SLC25A21: variants seen among roughly 807,000 people sequenced by gnomAD.
The protein encoded by SLC25A21 is solute carrier family 25 member 21, also known as mitochondrial 2-oxodicarboxylate carrier.
SLC25A21 carries 47 observed loss-of-function variants against 43.8 expected under a neutral mutation model. That is an observed-to-expected ratio of 1.07 (90% CI 0.85 to 1.37). The LOEUF (loss-of-function observed/expected upper bound fraction) is 1.37. Among genes scored for constraint, SLC25A21 ranks in the 40% most tolerant of loss-of-function variants. The probability of loss-of-function intolerance (pLI) is 0.00; values close to 1 mark genes in which losing one functional copy is unlikely to be tolerated. For missense variants in SLC25A21, 352 were observed against 350.2 expected (o/e 1.00, Z -0.04); for synonymous variants, 131 against 121.3 (o/e 1.08, Z -0.52).
Position 36,704,967 on chromosome 14 carries a change from A to C in SLC25A21, c.603+6351T>G, listed in dbSNP as rs116141108. Among the ~76,000 whole-genome samples the C allele has an allele frequency of 6.1e-3, 922 of 152,316 alleles. 10 individuals carry two copies. The highest frequency in any genetic ancestry group is 0.021 in the African/African-American group (883 of 41,556). On this transcript the variant is annotated intron_variant, in intron 7 of 9. Transcript: ENST00000331299. ...GGATATTTTTCTGTGATAACTTAAA[A>C]AATATATGTACCATAGATCACTAAT...
intron 6 of SLC25A21, among the ~76,000 whole-genome samples, chr14:36,717,395 G>A (rs1339159413): frequency 6.6e-6 from 1 of 152,228 alleles, no homozygotes; most frequent in Non-Finnish European, 1.5e-5. Context: ...CAGAGTGTAT[G>A]TTGTATGAAC....
chr14:36,890,690 T>C (rs1056428912), intron 1 of SLC25A21, among the ~76,000 whole-genome samples: 1 of 152,192 alleles, frequency 6.6e-6, no homozygotes, highest in African/African-American at 2.4e-5. Flanking sequence ...TTTGAATTTA[T>C]AATTGAGTAA....
At chr14:36,794,323 TTA>T (rs144010697) in intron 3 of SLC25A21, among the ~76,000 whole-genome samples, 30,788 of 152,088 alleles carry the variant, frequency 0.2, 3,256 homozygotes, top group Middle Eastern at 0.26. Flanking sequence ...CTCACTTTAT[TTA>T]AAGTTTTAAT....
At chr14:37,067,656 G>A (rs1210110318) in intron 1 of SLC25A21, among the ~76,000 whole-genome samples, 1 of 152,160 alleles carries the variant, frequency 6.6e-6, no homozygotes, top group African/African-American at 2.4e-5. Flanking sequence ...ACAAAAGTAT[G>A]GAGGCAGAAA....
chr14:37,028,687 T>C (rs994567817), intron 1 of SLC25A21, among the ~76,000 whole-genome samples: 2 of 152,178 alleles, frequency 1.3e-5, no homozygotes, highest in Non-Finnish European at 2.9e-5. Context: ...ACAACAAATA[T>C]TGAAATTATA....
intron 1 of SLC25A21, among the ~76,000 whole-genome samples, chr14:36,926,081 A>G (rs1051315194): frequency 6.6e-6 from 1 of 152,160 alleles, no homozygotes; most frequent in African/African-American, 2.4e-5. Context: ...TACATGAAAC[A>G]TTTACCAAAA....
intron 1 of SLC25A21, among the ~76,000 whole-genome samples, chr14:37,015,562 T>C (rs1305445447): frequency 6.6e-6 from 1 of 151,752 alleles, no homozygotes; most frequent in Non-Finnish European, 1.5e-5. Context: ...TACCCAGTAA[T>C]GGGATGGCTG....
intron 1 of SLC25A21, among the ~76,000 whole-genome samples, chr14:36,892,752 T>C (rs1428677876): frequency 1.3e-5 from 2 of 151,812 alleles, no homozygotes; most frequent in Non-Finnish European, 2.9e-5. Flanking sequence ...CCTGTGTCCA[T>C]GTGTTCTCAA....
At chr14:36,789,537 A>C (rs2138395474) in intron 3 of SLC25A21, among the ~76,000 whole-genome samples, 1 of 151,408 alleles carries the variant, frequency 6.6e-6, no homozygotes, top group African/African-American at 2.4e-5. Context: ...AGCATTCACT[A>C]CATCCTATGC....
At chr14:36,705,207 A>ATT (rs113121852) in intron 7 of SLC25A21, among the ~76,000 whole-genome samples, 4 of 147,370 alleles carry the variant, frequency 2.7e-5, no homozygotes, top group African/African-American at 9.9e-5. Context: ...TGCCTGGTTA[A>ATT]TTTTTTTTTT....
intron 3 of SLC25A21, among the ~76,000 whole-genome samples, chr14:36,746,015 A>C (rs1885481860): frequency 6.6e-6 from 1 of 152,214 alleles, no homozygotes; most frequent in South Asian, 2.1e-4. Context: ...GGAAATGTAA[A>C]ATATTACAAC....
intron 1 of SLC25A21, among the ~76,000 whole-genome samples, chr14:36,897,567 C>T (rs990878717): frequency 2.0e-5 from 3 of 152,158 alleles, no homozygotes; most frequent in Non-Finnish European, 2.9e-5. Context: ...AGCTTTGTTC[C>T]GTTGCTGGTG....
intron 1 of SLC25A21, among the ~76,000 whole-genome samples, chr14:37,105,620 T>C (rs892957631): frequency 1.3e-5 from 2 of 152,160 alleles, no homozygotes; most frequent in Non-Finnish European, 2.9e-5. Context: ...GGCTATCCAT[T>C]CCAAAAGGTG....
In SLC25A21 at chr14:36,698,812, C is replaced by T. The variant is rs28875836; in HGVS notation, c.603+12506G>A. 6.6e-3 allele frequency among the ~76,000 whole-genome samples: 1,007 copies of T among 152,232 alleles called. 9 individuals carry two copies. Among genetic ancestry groups the T allele is most frequent in the African/African-American group, 0.023 (968 of 41,544 alleles). On this transcript the variant is annotated intron_variant, in intron 7 of 9. Coordinates refer to ENST00000331299, the MANE Select transcript of SLC25A21 (RefSeq NM_030631.4). ...ACACTGTTTATTCTAGTTAGCCATTCGTCTAATCTTTTTTCAAGGTTTTTA... is the reference window on the plus strand; with the variant it reads ...ACACTGTTTATTCTAGTTAGCCATTTGTCTAATCTTTTTTCAAGGTTTTTA...
intron 3 of SLC25A21, among the ~76,000 whole-genome samples, chr14:36,752,606 C>T (rs1885750379): frequency 1.3e-5 from 2 of 152,150 alleles, no homozygotes; most frequent in South Asian, 4.1e-4. Flanking sequence ...GTACACCATG[C>T]TACATGGAAT....
At chr14:36,726,497 A>C (rs1884607322) in intron 5 of SLC25A21, among the ~76,000 whole-genome samples, 1 of 152,188 alleles carries the variant, frequency 6.6e-6, no homozygotes, top group Non-Finnish European at 1.5e-5. Context: ...AAGACAAAGA[A>C]ATGACTAGGT....
chr14:37,014,451 C>G (rs544449348), intron 1 of SLC25A21, among the ~76,000 whole-genome samples: 1 of 152,244 alleles, frequency 6.6e-6, no homozygotes, highest in Non-Finnish European at 1.5e-5. Context: ...AAGCAACTTA[C>G]TATCCATTCA....
At chr14:36,863,129 T>C (rs1420212498) in intron 2 of SLC25A21, among the ~76,000 whole-genome samples, 2 of 152,228 alleles carry the variant, frequency 1.3e-5, no homozygotes, top group African/African-American at 2.4e-5. Flanking sequence ...TTAAGAATTA[T>C]TTACCTCTCA....
chr14:37,006,672 C>T (rs531126353), intron 1 of SLC25A21, among the ~76,000 whole-genome samples: 1 of 152,104 alleles, frequency 6.6e-6, no homozygotes, highest in South Asian at 2.1e-4. Flanking sequence ...TCCTTAATTC[C>T]TATTTTCCCC....
Sources: allele counts gnomAD v4.1 joint callset (sites outside exome capture counted in the v4.1 genomes callset), GRCh38; gene constraint gnomAD v4.1.1; transcripts MANE v1.5; gene names NCBI Gene and HGNC (gene_info 2026-07-23, HGNC 2026-07-21).